GNG2: variants seen among roughly 807,000 people sequenced by gnomAD.
GNG2 encodes G protein subunit gamma 2, also known as guanine nucleotide-binding protein G(I)/G(S)/G(O) subunit gamma-2.
In GNG2, 5 loss-of-function variants were observed where a neutral mutation model predicts 5.5. That is an observed-to-expected ratio of 0.91 (90% CI 0.48 to 1.92). GNG2 has a LOEUF of 1.92. Ranked by LOEUF, GNG2 falls within the 30% of genes most tolerant of loss-of-function variation. The probability of loss-of-function intolerance (pLI) is 0.01; values close to 1 mark genes in which losing one functional copy is unlikely to be tolerated. For missense variants in GNG2, 55 were observed against 88.4 expected, an observed-to-expected ratio of 0.62 and a Z score of 1.52; for synonymous variants, 28 against 32.0, an observed-to-expected ratio of 0.88 and a Z score of 0.42.
chr14:51,866,144 G>A (rs980855449), intron 1 of GNG2, among the ~76,000 whole-genome samples: 1 of 152,038 alleles, frequency 6.6e-6, no homozygotes, highest in African/African-American at 2.4e-5. Flanking sequence ...CCTGTTCCCT[G>A]GCCTTCCCTT....
upstream of GNG2, among the ~76,000 whole-genome samples, chr14:51,857,446 C>A (rs1407258552): frequency 1.3e-5 from 2 of 152,070 alleles, no homozygotes; most frequent in Non-Finnish European, 2.9e-5. Context: ...GCTTTGTATG[C>A]CATGCAGAGG....
intron 2 of GNG2, among the ~76,000 whole-genome samples, chr14:51,901,228 GC>G (rs1223347609): frequency 3.3e-5 from 5 of 150,898 alleles, no homozygotes; most frequent in African/African-American, 1.2e-4. Context: ...AAAAAAAGTT[GC>G]CCAGGCTGGA....
chr14:51,866,671 C>G (rs1384211396), intron 1 of GNG2, among the ~76,000 whole-genome samples: 1 of 152,130 alleles, frequency 6.6e-6, no homozygotes, highest in Non-Finnish European at 1.5e-5. Context: ...TCTGTGTGTC[C>G]CCACATGACA....
intron 2 of GNG2, among the ~76,000 whole-genome samples, chr14:51,831,797 T>G (rs1163603576): frequency 6.6e-6 from 1 of 152,190 alleles, no homozygotes; most frequent in Non-Finnish European, 1.5e-5. Flanking sequence ...GTCTAACATT[T>G]AAAAAGTAAT....
At chr14:51,900,155 A>G (rs1435195856) in intron 2 of GNG2, among the ~76,000 whole-genome samples, 2 of 152,140 alleles carry the variant, frequency 1.3e-5, no homozygotes, top group African/African-American at 2.4e-5. Flanking sequence ...CAATTTCTCC[A>G]TATCCTCACC....
intron 2 of GNG2, among the ~76,000 whole-genome samples, chr14:51,892,256 T>C (rs1406543643): frequency 6.6e-6 from 1 of 152,178 alleles, no homozygotes; most frequent in East Asian, 1.9e-4. Context: ...CATATGTAGA[T>C]ATATGTTTTC....
At chr14:51,874,242 G>A (rs1264736979) in intron 1 of GNG2, among the ~76,000 whole-genome samples, 1 of 151,940 alleles carries the variant, frequency 6.6e-6, no homozygotes, top group African/African-American at 2.4e-5. Flanking sequence ...CCTGGCTAAC[G>A]GTGAAACCCC....
intron 2 of GNG2, among the ~76,000 whole-genome samples, chr14:51,843,241 A>G (rs1300429538): frequency 6.6e-6 from 1 of 152,190 alleles, no homozygotes; most frequent in African/African-American, 2.4e-5. Context: ...TGAAGGCACA[A>G]ACATCTACTT....
chr14:51,899,543 A>G (rs1885416249), intron 2 of GNG2, among the ~76,000 whole-genome samples: 1 of 152,228 alleles, frequency 6.6e-6, no homozygotes, highest in Non-Finnish European at 1.5e-5. Context: ...AACCATGATC[A>G]TCATCCATCT....
intron 2 of GNG2, among the ~76,000 whole-genome samples, chr14:51,932,273 G>GAT (rs2140246961): frequency 1.6e-5 from 1 of 61,546 alleles, no homozygotes; most frequent in African/African-American, 5.8e-5. Flanking sequence ...AAAAAAAAAA[G>GAT]AAAAGAAAAT....
chr14:51,886,363 T>G (rs573921629), intron 2 of GNG2, among the ~76,000 whole-genome samples: 1 of 152,190 alleles, frequency 6.6e-6, no homozygotes, highest in Non-Finnish European at 1.5e-5. Flanking sequence ...ACTCCTCATC[T>G]AGCCATTGTT....
chr14:51,938,281 A>T (rs1371211900), intron 2 of GNG2, among the ~76,000 whole-genome samples: 1 of 152,048 alleles, frequency 6.6e-6, no homozygotes. Context: ...GTATCCAGAG[A>T]TTTTTCCCTT....
At chr14:51,952,566 C>T (rs7141670) in intron 3 of GNG2, among the ~76,000 whole-genome samples, 47,778 of 152,074 alleles carry the variant, frequency 0.31, 8,451 homozygotes, top group Non-Finnish European at 0.39. Context: ...GGTGGTCCAA[C>T]TATGATAAAA....
At chr14:51,889,392 G>A (rs764821514) in intron 2 of GNG2, among the ~76,000 whole-genome samples, 6 of 151,974 alleles carry the variant, frequency 3.9e-5, no homozygotes, top group Non-Finnish European at 5.9e-5. Context: ...CACCATGCCC[G>A]GTCCTTGGGT....
chr14:51,917,281 C>A (rs769966266), intron 2 of GNG2: 2 of 448,838 alleles, frequency 4.5e-6, no homozygotes, highest in African/African-American at 4.0e-5. Flanking sequence ...GAATCCCAGC[C>A]GCTGCCACGA....
At chr14:51,879,509 T>G (rs1028619373) in intron 2 of GNG2, among the ~76,000 whole-genome samples, 1 of 152,216 alleles carries the variant, frequency 6.6e-6, no homozygotes, top group Non-Finnish European at 1.5e-5. Context: ...ACAACACAAA[T>G]GTATTATCTT....
At chr14:51,911,781 T>C (rs1303782387) in intron 2 of GNG2, among the ~76,000 whole-genome samples, 1 of 147,718 alleles carries the variant, frequency 6.8e-6, no homozygotes, top group African/African-American at 2.5e-5. Context: ...ACTCCTAGCC[T>C]CCAGTGATCT....
intron 2 of GNG2, among the ~76,000 whole-genome samples, chr14:51,920,124 A>C (rs1384882396): frequency 1.3e-5 from 2 of 152,140 alleles, no homozygotes; most frequent in Non-Finnish European, 2.9e-5. Context: ...CCAATGTTGG[A>C]TCAAAAATAT....
intron 2 of GNG2, among the ~76,000 whole-genome samples, chr14:51,887,092 T>C (rs1295613400): frequency 1.3e-5 from 2 of 152,190 alleles, no homozygotes; most frequent in Non-Finnish European, 2.9e-5. Context: ...ACAATGGTAG[T>C]ATTTGGACAG....
Sources: gnomAD v4.1 joint callset for allele counts (sites outside exome capture counted in the v4.1 genomes callset) on GRCh38, gnomAD v4.1.1 for gene constraint, MANE v1.5 for transcripts, NCBI Gene and HGNC (gene_info 2026-07-23, HGNC 2026-07-21) for gene names.